Variants in ZNF618 observed in about 807,000 individuals in gnomAD.
ZNF618 encodes the protein zinc finger protein 618, also known as neural precursor cell expressed, developmentally down-regulated 10.
ZNF618 carries 34 observed loss-of-function variants against 103.0 expected under a neutral mutation model. The observed-to-expected ratio is 0.33, with a 90% CI of 0.25 to 0.44. The LOEUF is 0.44. ZNF618 is among the 20% of genes least tolerant of loss of function. The pLI is 1.00. For missense variants in ZNF618, 1,059 were observed against 1,295.4 expected, an observed-to-expected ratio of 0.82 and a Z score of 2.80; for synonymous variants, 551 against 542.2, an observed-to-expected ratio of 1.02 and a Z score of -0.23.
At chr9:113,998,864 C>T (rs1032310781) in intron 4 of ZNF618, among the ~76,000 whole-genome samples, 2 of 152,228 alleles carry the variant, frequency 1.3e-5, no homozygotes, top group Non-Finnish European at 2.9e-5. Flanking sequence ...GAATAAACTT[C>T]GGAAAATGCT....
At chr9:113,991,260 G>A (rs1840032718) in intron 3 of ZNF618, among the ~76,000 whole-genome samples, 1 of 152,182 alleles carries the variant, frequency 6.6e-6, no homozygotes, top group Non-Finnish European at 1.5e-5. Context: ...CTGTACCTTA[G>A]TGTCCTCCTG....
intron 7 of ZNF618, 145 bp downstream of exon 7, chr9:114,007,584 C>A: frequency 1.4e-6 from 1 of 696,942 alleles, no homozygotes; most frequent in Non-Finnish European, 2.4e-6. Context: ...GAATGACCAG[C>A]CCTGGAGGAT....
intron 12 of ZNF618, 126 bp from the exon 13 acceptor site, chr9:114,036,174 C>T (rs1262751169): frequency 5.0e-6 from 4 of 797,998 alleles, no homozygotes; most frequent in Non-Finnish European, 8.2e-6. Context: ...GCAGGCTGGG[C>T]CCGGAGCCCT....
rs772759017 is a variant in ZNF618, at chr9:113,916,224, T to C, written c.33+39811T>C. Among the ~76,000 whole-genome samples, 4 of 152,106 alleles carry C rather than the reference T, an allele frequency of 2.6e-5. No homozygotes were observed. The East Asian group carries it at 5.8e-4, about 22-fold the overall frequency. On this transcript the variant is annotated intron_variant, in intron 1 of 14. Coordinates refer to ENST00000374126, the MANE Select transcript of ZNF618 (RefSeq NM_001318042.2). ...TTGTATGACCCAGGGACAATTTTAC[T>C]AGCAGAAAATATGACCGTGTTATAT...
intron 1 of ZNF618, among the ~76,000 whole-genome samples, chr9:113,887,418 C>G (rs373569791): frequency 6.6e-6 from 1 of 152,194 alleles, no homozygotes; most frequent in African/African-American, 2.4e-5. Context: ...AAGATAATCC[C>G]TGACAATTTC....
At chr9:114,003,569 CACAA>C (rs1230476335) in intron 6 of ZNF618, among the ~76,000 whole-genome samples, 5 of 152,320 alleles carry the variant, frequency 3.3e-5, no homozygotes, top group South Asian at 2.1e-4. Flanking sequence ...ATGGATGACT[CACAA>C]ACAATGGTGA....
chr9:113,996,548 C>T (rs979456153), intron 3 of ZNF618, among the ~76,000 whole-genome samples: 2 of 152,224 alleles, frequency 1.3e-5, no homozygotes, highest in Non-Finnish European at 2.9e-5. Context: ...CTGTCCTCGC[C>T]TGGTCTGTCT....
At chr9:113,895,352 C>T (rs748287194) in intron 1 of ZNF618, among the ~76,000 whole-genome samples, 57 of 151,802 alleles carry the variant, frequency 3.8e-4, no homozygotes, top group African/African-American at 1.0e-3. Flanking sequence ...TTTGATCTGC[C>T]GATGTGATGA....
chr9:114,015,052 G>A (rs1322831779), intron 9 of ZNF618, among the ~76,000 whole-genome samples: 1 of 151,632 alleles, frequency 6.6e-6, no homozygotes, highest in East Asian at 1.9e-4. Context: ...GACAAACAAG[G>A]TTGTATAGAA....
chr9:113,962,852 A>G (rs569026330), intron 1 of ZNF618, among the ~76,000 whole-genome samples: 139 of 152,160 alleles, frequency 9.1e-4, no homozygotes, highest in African/African-American at 3.3e-3. Context: ...CAAGCATGCT[A>G]TATGTTTTAC....
At chr9:113,890,950 G>A (rs918829393) in intron 1 of ZNF618, among the ~76,000 whole-genome samples, 25 of 152,066 alleles carry the variant, frequency 1.6e-4, no homozygotes, top group African/African-American at 5.8e-4. Flanking sequence ...TTTCTCTTGC[G>A]GTGTTTGTCT....
chr9:114,035,337 G>A (rs1274507565), intron 12 of ZNF618: 14 of 800,388 alleles, frequency 1.7e-5, no homozygotes, highest in Non-Finnish European at 2.1e-5. Context: ...TGTGAGATGG[G>A]CCTTGGGCTG....
At chr9:113,908,773 C>T (rs1483314554) in intron 1 of ZNF618, among the ~76,000 whole-genome samples, 3 of 151,916 alleles carry the variant, frequency 2.0e-5, no homozygotes, top group Admixed American at 1.3e-4. Flanking sequence ...CACAGAATCA[C>T]AAGATACCAT....
chr9:113,931,887 T>A (rs1225850195), intron 1 of ZNF618, among the ~76,000 whole-genome samples: 1 of 152,242 alleles, frequency 6.6e-6, no homozygotes, highest in Non-Finnish European at 1.5e-5. Context: ...CATATTTTAT[T>A]CCTGTTGGAC....
chr9:113,906,264 G>T (rs1165630728), intron 1 of ZNF618, among the ~76,000 whole-genome samples: 1 of 152,168 alleles, frequency 6.6e-6, no homozygotes, highest in Non-Finnish European at 1.5e-5. Context: ...CTTAGCAGGG[G>T]TTGTGGGGAT....
chr9:114,040,772 A>G (rs553743702), intron 13 of ZNF618, among the ~76,000 whole-genome samples: 75 of 152,324 alleles, frequency 4.9e-4, no homozygotes, highest in African/African-American at 1.8e-3. Context: ...GCTATTGTGA[A>G]TAGTGCCGCA....
chr9:113,879,718 G>A (rs1334520683), intron 1 of ZNF618, among the ~76,000 whole-genome samples: 1 of 151,022 alleles, frequency 6.6e-6, no homozygotes, highest in Admixed American at 6.6e-5. Context: ...GCGAAAGATC[G>A]TTTATATTCA....
At chr9:113,962,610 C>G (rs982185042) in intron 1 of ZNF618, among the ~76,000 whole-genome samples, 7 of 152,196 alleles carry the variant, frequency 4.6e-5, no homozygotes, top group African/African-American at 1.7e-4. Flanking sequence ...GCCAAGCACA[C>G]CAGGCATGCT....
At chr9:113,939,284 GTTGT>G (rs892222727) in intron 1 of ZNF618, among the ~76,000 whole-genome samples, 17 of 151,510 alleles carry the variant, frequency 1.1e-4, no homozygotes, top group African/African-American at 3.9e-4. Flanking sequence ...TTTTTTGTTT[GTTGT>G]TTGTTTGTTG....
Sources: gnomAD v4.1 joint callset for allele counts (sites outside exome capture counted in the v4.1 genomes callset) on GRCh38, gnomAD v4.1.1 for gene constraint, MANE v1.5 for transcripts, NCBI Gene and HGNC (gene_info 2026-07-23, HGNC 2026-07-21) for gene names.